TXNRD1: variants seen among roughly 807,000 people sequenced by gnomAD.
The protein encoded by TXNRD1 is thioredoxin reductase 1.
A neutral mutation model predicts 80.3 loss-of-function variants in TXNRD1; 57 were observed. The observed-to-expected ratio is 0.71, with a 90% CI of 0.57 to 0.89. The LOEUF is 0.89. TXNRD1 is among the 40% of genes least tolerant of loss of function. The pLI is 0.00. For synonymous variants in TXNRD1, 291 were observed against 285.2 expected (o/e 1.02, Z -0.20); for missense variants, 730 against 803.0 (o/e 0.91, Z 1.10).
chr12:104,327,785 G>A, intron 13 of TXNRD1, 114 bp downstream of exon 13: 3 of 1,138,344 alleles, frequency 2.6e-6, no homozygotes, highest in Non-Finnish European at 3.7e-6. Flanking sequence ...TTATTTTGGT[G>A]ATGGCATCCT....
intron 9 of TXNRD1, 23 bp from the exon 10 acceptor site, chr12:104,321,064 TCTTC>T: frequency 6.8e-7 from 1 of 1,474,620 alleles, no homozygotes; most frequent in South Asian, 1.2e-5. Context: ...TTTTCTTCTT[TCTTC>T]CTTTTTTTTT....
chr12:104,286,705 C>T, intron 3 of TXNRD1: 3 of 995,490 alleles, frequency 3.0e-6, no homozygotes, highest in South Asian at 8.7e-5. Flanking sequence ...ATGACAACAG[C>T]TAGCAAAGTT....
At chr12:104,287,156 A>G (rs2033996079) in intron 3 of TXNRD1, 2 of 1,555,812 alleles carry the variant, frequency 1.3e-6, no homozygotes, top group Admixed American at 1.9e-5. Flanking sequence ...GAGCCCAGGG[A>G]TGGGAGCACG....
At chr12:104,317,717 T>C (rs2035379939) in intron 7 of TXNRD1, among the ~76,000 whole-genome samples, 2 of 152,190 alleles carry the variant, frequency 1.3e-5, no homozygotes, top group Non-Finnish European at 2.9e-5. Flanking sequence ...TCTCCTATAG[T>C]CCCAGCTTCT....
intron 4 of TXNRD1, chr12:104,304,563 T>C (rs764221279): frequency 8.1e-6 from 13 of 1,613,930 alleles, no homozygotes; most frequent in African/African-American, 4.0e-5. Context: ...AAGTTGGACC[T>C]GAGTAGTTAT....
chr12:104,290,960 T>C, intron 4 of TXNRD1: 1 of 593,714 alleles, frequency 1.7e-6, no homozygotes, highest in East Asian at 3.1e-5. Context: ...ATGTTTTTTC[T>C]TTTTTTTTAA....
chr12:104,245,869 G>A (rs1474012231), intron 1 of TXNRD1, among the ~76,000 whole-genome samples: 1 of 152,084 alleles, frequency 6.6e-6, no homozygotes, highest in African/African-American at 2.4e-5. Context: ...CAGCACTTTG[G>A]GAGGCCGAGG....
intron 1 of TXNRD1, among the ~76,000 whole-genome samples, chr12:104,225,922 G>A (rs559811822): frequency 4.6e-5 from 7 of 152,058 alleles, no homozygotes; most frequent in African/African-American, 1.2e-4. Flanking sequence ...AGCTTATGCC[G>A]GGCACAGTGT....
Position 104,266,894 on chromosome 12 carries a change from G to A in TXNRD1, c.304+8815G>A, listed in dbSNP as rs911592960. 3.0e-4 allele frequency among the ~76,000 whole-genome samples: 45 copies of A among 151,748 alleles called. 1 individual carries two copies. The highest frequency in any genetic ancestry group is 2.0e-3 in the Admixed American group (30 of 15,236). On this transcript the variant is annotated intron_variant, in intron 3 of 16. Coordinates refer to ENST00000525566, the MANE Select transcript of TXNRD1 (RefSeq NM_001093771.3). ...GGAGAATGGTGTGAACCCGGGAGGC[G>A]GAGCTTGCAATAAGCCAAGATCGAG...
At chr12:104,259,277 AG>A (rs1430002285) in intron 3 of TXNRD1, among the ~76,000 whole-genome samples, 1 of 151,790 alleles carries the variant, frequency 6.6e-6, no homozygotes, top group African/African-American at 2.4e-5. Flanking sequence ...GCTACCTGGG[AG>A]GCTGAGGCAG....
chr12:104,324,421 G>T (rs2035681947), intron 10 of TXNRD1, among the ~76,000 whole-genome samples: 1 of 134,868 alleles, frequency 7.4e-6, no homozygotes, highest in Admixed American at 8.0e-5. Context: ...GCGTGATCTT[G>T]GCTCACTGCA....
At chr12:104,237,468 A>G (rs1017254794) in intron 1 of TXNRD1, among the ~76,000 whole-genome samples, 7 of 152,160 alleles carry the variant, frequency 4.6e-5, no homozygotes, top group African/African-American at 1.2e-4. Flanking sequence ...TTGGGGACCC[A>G]AAATCCAGTA....
At chr12:104,272,159 T>C (rs1430645063) in intron 3 of TXNRD1, among the ~76,000 whole-genome samples, 1 of 152,202 alleles carries the variant, frequency 6.6e-6, no homozygotes, top group Non-Finnish European at 1.5e-5. Flanking sequence ...GTTACTTCTA[T>C]AGAAGGGTGC....
chr12:104,223,146 T>C lies in TXNRD1; in HGVS notation c.91+7253T>C, dbSNP rs576590629. Among the ~76,000 whole-genome samples, 8 of 152,334 alleles carry C rather than the reference T, an allele frequency of 5.3e-5. No homozygotes were observed. The South Asian group carries it at 1.7e-3, about 32-fold the overall frequency. The stretch of plus-strand genomic sequence containing the variant: ...CTGCCTTGAGATTATTGCTCACTTA[T>C]ATAGTGGCATTTTAAGCTGCTTAAT... On this transcript the variant is annotated intron_variant, in intron 1 of 16. Transcript: ENST00000525566.
chr12:104,255,475 TTTGTTGGTTAG>T (rs1016758286), intron 2 of TXNRD1, among the ~76,000 whole-genome samples: 90 of 152,222 alleles, frequency 5.9e-4, no homozygotes, highest in African/African-American at 2.1e-3. Flanking sequence ...TCCTATAACA[TTTGTTGGTTAG>T]TTATTTGCAT....
chr12:104,331,541 A>G lies in TXNRD1; in HGVS notation c.1550A>G (p.Tyr517Cys). ...ACCTCCATTTTTAAACAGTGTGACT[A>G]TGAAAATGTTCCAACCACTGTATTT... ...LYAGSTVKCD[Y>C]ENVPTTVFTP... The change falls in exon 14 of 17, where the codon TAT becomes TGT. Residue 517 changes from tyrosine to cysteine, a missense_variant. Physicochemically the swap from Tyr to Cys is radical, Grantham distance 194. Coordinates refer to ENST00000525566, the MANE Select transcript of TXNRD1 (RefSeq NM_001093771.3). 6.2e-7 allele frequency: 1 copy of G among 1,606,150 alleles called. No individual in the cohort carries two copies. The highest frequency in any genetic ancestry group is 8.5e-7 in the Non-Finnish European group (1 of 1,174,894).
At chr12:104,296,426 T>G (rs2034437130) in intron 4 of TXNRD1, among the ~76,000 whole-genome samples, 1 of 152,178 alleles carries the variant, frequency 6.6e-6, no homozygotes, top group African/African-American at 2.4e-5. Context: ...AAAATTTCTT[T>G]AGAGGCAAGG....
rs201074393 is a variant in TXNRD1, at chr12:104,304,148, G to A, written c.415-7142G>A. ...CAACTCCTTAACCGAGGCTCTGGAG[G>A]AAGCCAACGTCCTCTTTGATGGCGT... On this transcript the variant is annotated intron_variant, in intron 4 of 16. Transcript: ENST00000525566. 2.2e-3 allele frequency: 3,542 copies of A among 1,613,978 alleles called. 8 individuals carry two copies. The highest frequency in any genetic ancestry group is 2.8e-3 in the Non-Finnish European group (3,362 of 1,179,914).
Position 104,288,986 on chromosome 12 carries a change from G to A in TXNRD1, c.360G>A (p.Leu120=). The change falls in exon 4 of 17, where the codon CTG becomes CTA. Residue 120 remains leucine (L), a synonymous_variant. Coordinates refer to ENST00000525566, the MANE Select transcript of TXNRD1 (RefSeq NM_001093771.3). The stretch of plus-strand genomic sequence containing the variant: ...CGGAATTGGCCGCGGAAACCGATCT[G>A]CCCGTTGTGTTTGTGAAACAGAGAA... ...TLSELAAETD[L]PVVFVKQRKI... 1 of 1,614,042 alleles carries A rather than the reference G, an allele frequency of 6.2e-7. No individual in the cohort carries two copies. The highest frequency in any genetic ancestry group is 8.5e-7 in the Non-Finnish European group (1 of 1,179,882).
Sources: allele counts gnomAD v4.1 joint callset (sites outside exome capture counted in the v4.1 genomes callset), GRCh38; gene constraint gnomAD v4.1.1; transcripts MANE v1.5; gene names NCBI Gene and HGNC (gene_info 2026-07-23, HGNC 2026-07-21).